Variants in ERBB4 observed in about 807,000 individuals in gnomAD.
ERBB4 encodes erb-b2 receptor tyrosine kinase 4.
In ERBB4, 42 loss-of-function variants were observed where a neutral mutation model predicts 158.0. That is an observed-to-expected ratio of 0.27 (90% CI 0.21 to 0.34). The LOEUF (loss-of-function observed/expected upper bound fraction) is 0.34, where lower values mean the gene tolerates loss of function less well. ERBB4 is among the 10% of genes least tolerant of loss of function. ERBB4 has a pLI of 1.00. For synonymous variants in ERBB4, 583 were observed against 558.7 expected (o/e 1.04, Z -0.61); for missense variants, 1,333 against 1,624.1 (o/e 0.82, Z 3.08).
At chr2:212,451,614 T>C (rs1184757110) in intron 1 of ERBB4, among the ~76,000 whole-genome samples, 2 of 152,222 alleles carry the variant, frequency 1.3e-5, no homozygotes, top group African/African-American at 4.8e-5. Context: ...ACCTAGTTTA[T>C]CTTTAATAGT....
At chr2:212,169,722 T>C (rs1280864801) in intron 1 of ERBB4, among the ~76,000 whole-genome samples, 1 of 152,128 alleles carries the variant, frequency 6.6e-6, no homozygotes, top group Non-Finnish European at 1.5e-5. Flanking sequence ...GATTGGATCA[T>C]GGCGGTGATT....
chr2:212,150,414 A>G (rs941699735), intron 1 of ERBB4, among the ~76,000 whole-genome samples: 21 of 152,190 alleles, frequency 1.4e-4, no homozygotes, highest in African/African-American at 4.6e-4. Flanking sequence ...ATTTTCCCTA[A>G]TTACATGTAC....
At chr2:211,442,664 T>C (rs1363385799) in intron 20 of ERBB4, among the ~76,000 whole-genome samples, 2 of 151,798 alleles carry the variant, frequency 1.3e-5, no homozygotes, top group Non-Finnish European at 2.9e-5. Flanking sequence ...GTGTTATATG[T>C]ATGTATGTAT....
intron 2 of ERBB4, among the ~76,000 whole-genome samples, chr2:211,951,076 T>G (rs839524): frequency 0.88 from 134,553 of 152,164 alleles, 59,584 homozygotes; most frequent in East Asian, 0.92. Flanking sequence ...GATAAATGTG[T>G]TGATGGAGGG....
rs987555685 is a variant in ERBB4, at chr2:211,378,415, G to A, written c.*5200C>T. ...ACATTTTTGGACCTCTACAAAATCAGTGAGACTTGAACCGAGTATCTGAAA... is the reference window on the plus strand; with the variant it reads ...ACATTTTTGGACCTCTACAAAATCAATGAGACTTGAACCGAGTATCTGAAA... On this transcript the variant is annotated 3_prime_UTR_variant, in exon 28 of 28. Transcript: ENST00000342788. 8.6e-6 allele frequency: 2 copies of A among 232,576 alleles called. No individual in the cohort carries two copies. The highest frequency in any genetic ancestry group is 1.7e-5 in the Non-Finnish European group (2 of 117,438). 14.4% of individuals were successfully genotyped at this position (232,576 alleles called of 1,614,324 possible). A position where few individuals can be genotyped will look rare whatever the true frequency, so the allele number is the denominator to read the frequency against.
chr2:212,430,568 G>A (rs538663497), intron 1 of ERBB4, among the ~76,000 whole-genome samples: 1 of 152,022 alleles, frequency 6.6e-6, no homozygotes, highest in East Asian at 1.9e-4. Flanking sequence ...AGCCTCCCAA[G>A]TAGCTGGGAT....
intron 2 of ERBB4, among the ~76,000 whole-genome samples, chr2:212,018,638 C>A (rs999006333): frequency 1.4e-4 from 22 of 152,096 alleles, no homozygotes; most frequent in African/African-American, 4.8e-4. Flanking sequence ...CTCAGTGTAA[C>A]TTGCAGATAA....
intron 1 of ERBB4, among the ~76,000 whole-genome samples, chr2:212,315,427 A>G (rs2087230295): frequency 1.3e-5 from 2 of 151,456 alleles, no homozygotes; most frequent in African/African-American, 2.4e-5. Context: ...GTTTACACAT[A>G]TATCACACAC....
intron 3 of ERBB4, among the ~76,000 whole-genome samples, chr2:211,809,289 G>A (rs2076693049): frequency 6.6e-6 from 1 of 152,152 alleles, no homozygotes; most frequent in Admixed American, 6.5e-5. Flanking sequence ...TGTACCTCTG[G>A]TAGAATTTGT....
At chr2:212,291,802 G>C (rs1431521959) in intron 1 of ERBB4, among the ~76,000 whole-genome samples, 1 of 151,942 alleles carries the variant, frequency 6.6e-6, no homozygotes, top group Non-Finnish European at 1.5e-5. Flanking sequence ...GCAAATTCCT[G>C]ATAGCACTGT....
intron 2 of ERBB4, among the ~76,000 whole-genome samples, chr2:211,996,298 A>G (rs1238672619): frequency 6.6e-6 from 1 of 152,030 alleles, no homozygotes; most frequent in Admixed American, 6.6e-5. Flanking sequence ...ACCTGAAATC[A>G]AGTTTAAACA....
intron 1 of ERBB4, among the ~76,000 whole-genome samples, chr2:212,221,371 G>T (rs1480108369): frequency 6.6e-6 from 1 of 151,490 alleles, no homozygotes; most frequent in African/African-American, 2.4e-5. Flanking sequence ...TTCAAAAATT[G>T]CTATGCTTGC....
chr2:211,776,253 T>C (rs1342179630), intron 4 of ERBB4, among the ~76,000 whole-genome samples: 1 of 152,162 alleles, frequency 6.6e-6, no homozygotes, highest in Non-Finnish European at 1.5e-5. Flanking sequence ...GGATAGACCT[T>C]AAACATTCTT....
intron 2 of ERBB4, among the ~76,000 whole-genome samples, chr2:211,982,302 T>C (rs2081822423): frequency 6.6e-6 from 1 of 152,134 alleles, no homozygotes; most frequent in African/African-American, 2.4e-5. Flanking sequence ...TCCTGGAATA[T>C]ACCAAAGGAA....
intron 24 of ERBB4, among the ~76,000 whole-genome samples, chr2:211,421,524 G>A (rs1422772114): frequency 6.6e-6 from 1 of 151,784 alleles, no homozygotes; most frequent in Non-Finnish European, 1.5e-5. Context: ...TTGAGTTATT[G>A]CTTAGATACT....
intron 4 of ERBB4, among the ~76,000 whole-genome samples, chr2:211,757,777 G>T (rs2075318027): frequency 6.6e-6 from 1 of 152,150 alleles, no homozygotes; most frequent in East Asian, 1.9e-4. Context: ...AGATTCTAAA[G>T]TTACTTTGCA....
chr2:212,266,076 G>A (rs1289441495), intron 1 of ERBB4, among the ~76,000 whole-genome samples: 1 of 151,900 alleles, frequency 6.6e-6, no homozygotes, highest in Non-Finnish European at 1.5e-5. Flanking sequence ...CACAGTTTGA[G>A]TGACTAGAGC....
chr2:211,934,632 C>T (rs2080262954), intron 3 of ERBB4, among the ~76,000 whole-genome samples: 1 of 151,576 alleles, frequency 6.6e-6, no homozygotes, highest in Non-Finnish European at 1.5e-5. Flanking sequence ...AAGACATCAC[C>T]CCATGAGTAA....
At chr2:212,328,513 G>A (rs1174761492) in intron 1 of ERBB4, among the ~76,000 whole-genome samples, 1 of 151,952 alleles carries the variant, frequency 6.6e-6, no homozygotes, top group African/African-American at 2.4e-5. Context: ...TGAAGCTGGA[G>A]ATATTATGGT....
Sources: allele counts gnomAD v4.1 joint callset (sites outside exome capture counted in the v4.1 genomes callset), GRCh38; gene constraint gnomAD v4.1.1; transcripts MANE v1.5; gene names NCBI Gene and HGNC (gene_info 2026-07-23, HGNC 2026-07-21).